DLG5: variants seen among roughly 807,000 people sequenced by gnomAD.
DLG5 encodes the protein disks large homolog 5.
A neutral mutation model predicts 189.8 loss-of-function variants in DLG5; 48 were observed. The observed-to-expected ratio is 0.25, with a 90% CI of 0.20 to 0.32. The LOEUF (loss-of-function observed/expected upper bound fraction) is 0.32, where lower values mean the gene tolerates loss of function less well. DLG5 is among the 10% of genes least tolerant of loss of function. The pLI is 1.00. For missense variants in DLG5, 2,160 were observed against 2,544.7 expected, an observed-to-expected ratio of 0.85 and a Z score of 3.25; for synonymous variants, 1,016 against 1,054.1, an observed-to-expected ratio of 0.96 and a Z score of 0.70.
intron 1 of DLG5, among the ~76,000 whole-genome samples, chr10:77,919,373 C>T (rs1310546286): frequency 6.6e-6 from 1 of 151,970 alleles, no homozygotes; most frequent in Non-Finnish European, 1.5e-5. Flanking sequence ...CCCCCAAAAT[C>T]GAGTCCAACC....
intron 1 of DLG5, among the ~76,000 whole-genome samples, chr10:77,874,248 C>G (rs903971484): frequency 2.6e-5 from 4 of 152,242 alleles, no homozygotes; most frequent in Non-Finnish European, 5.9e-5. Context: ...TGGGGCCAAA[C>G]TGCTTGGAGT....
At chr10:77,798,157 A>C (rs1841019760) in intron 27 of DLG5, among the ~76,000 whole-genome samples, 1 of 152,228 alleles carries the variant, frequency 6.6e-6, no homozygotes. Context: ...ACTGTACTCC[A>C]GCCTGGGCAA....
intron 14 of DLG5, 24 bp from the exon 15 acceptor site, chr10:77,822,125 G>A (rs1842400086): frequency 2.5e-6 from 4 of 1,585,824 alleles, no homozygotes; most frequent in East Asian, 2.2e-5. Context: ...GCAGAGGAGT[G>A]AGAGAGAGAG....
At chr10:77,853,568 C>A in intron 4 of DLG5, 31 bp from the exon 5 acceptor site, 1 of 1,513,984 alleles carries the variant, frequency 6.6e-7, no homozygotes, top group Non-Finnish European at 8.9e-7. Flanking sequence ...TCAGTGAGCC[C>A]CAGCCAGCCC....
At chr10:77,940,019 A>G in the DLG5 span, among the ~76,000 whole-genome samples, 66 of 152,346 alleles carry the variant, frequency 4.3e-4, no homozygotes, top group South Asian at 0.014. Context: ...GAAGCCAAAC[A>G]GTCTCTGCGG....
chr10:77,805,767 A>G lies in DLG5; in HGVS notation c.5062T>C (p.Phe1688Leu), dbSNP rs1423873812. 1 of 1,614,130 alleles carries G rather than the reference A, an allele frequency of 6.2e-7. No homozygotes were observed. Among genetic ancestry groups the G allele is most frequent in the South Asian group, 1.1e-5 (1 of 91,078 alleles). Residue 1688 changes from phenylalanine to leucine, a missense_variant, in exon 27 of 32, where the codon TTT becomes CTT. Phe to Leu is a conservative substitution (Grantham distance 22). Around this residue, in one of 5 missense-constraint regions of DLG5, gnomAD observed 574 missense variants for 644.2 expected, o/e 0.89. Transcript: ENST00000372391. ...TTGTGCTTGTGTTTCCTCCGAAAAA[A>G]GGACCGGCGTGCAGCCGCTGACAGC... ...KTLSAAARRSFFRRKHKHKRS... is the reference protein window; with the variant it reads ...KTLSAAARRSLFRRKHKHKRS...
chr10:77,805,564 A>G (rs1841425458), intron 27 of DLG5, 101 bp downstream of exon 27: 1 of 1,367,276 alleles, frequency 7.3e-7, no homozygotes, highest in East Asian at 2.3e-5. Context: ...GCACAAAAGC[A>G]AAGTAAGACT....
chr10:77,854,708 C>A (rs958323859), intron 3 of DLG5, among the ~76,000 whole-genome samples: 1 of 152,032 alleles, frequency 6.6e-6, no homozygotes, highest in Non-Finnish European at 1.5e-5. Context: ...TCTGTAGGCT[C>A]GGCGTGACAG....
At position 77,892,207 on chromosome 10, in the gene DLG5, G is replaced by A. The variant is rs184344163; in HGVS notation, c.305-23010C>T. Reference sequence around the variant, plus strand: ...CTGATCGCAGTAGCACATCTGACACGTGCCCTCAATCCCTCCCTACCTCGT... The same window carrying A: ...CTGATCGCAGTAGCACATCTGACACATGCCCTCAATCCCTCCCTACCTCGT... On this transcript the variant is annotated intron_variant, in intron 1 of 31. Coordinates refer to ENST00000372391, the MANE Select transcript of DLG5 (RefSeq NM_004747.4). 4.6e-5 allele frequency among the ~76,000 whole-genome samples: 7 copies of A among 152,248 alleles called. No homozygotes were observed. The East Asian group carries it at 7.7e-4, about 17-fold the overall frequency.
At chr10:77,856,021 G>C (rs1333587964) in intron 3 of DLG5, among the ~76,000 whole-genome samples, 1 of 152,092 alleles carries the variant, frequency 6.6e-6, no homozygotes, top group Non-Finnish European at 1.5e-5. Context: ...AAGCAACAAA[G>C]ACACCAGGTA....
At chr10:77,857,794 G>A (rs1844308628) in intron 2 of DLG5, among the ~76,000 whole-genome samples, 1 of 152,204 alleles carries the variant, frequency 6.6e-6, no homozygotes, top group African/African-American at 2.4e-5. Flanking sequence ...AACCCTTAGA[G>A]ACCCTTGTTG....
the DLG5 span, among the ~76,000 whole-genome samples, chr10:77,933,273 T>G: frequency 1.3e-5 from 2 of 152,074 alleles, no homozygotes; most frequent in African/African-American, 4.8e-5. Context: ...GTTTGGGTTT[T>G]TGTTTTTGTT....
intron 1 of DLG5, among the ~76,000 whole-genome samples, chr10:77,874,294 G>A (rs537564074): frequency 2.2e-4 from 33 of 152,374 alleles, no homozygotes; most frequent in African/African-American, 7.5e-4. Context: ...GCTGTGTGCT[G>A]TTAGGTAAGT....
At chr10:77,939,373 C>T in the DLG5 span, among the ~76,000 whole-genome samples, 23 of 152,108 alleles carry the variant, frequency 1.5e-4, no homozygotes, top group African/African-American at 5.3e-4. Context: ...GAGAATGCCC[C>T]GAAGCCAGAA....
At chr10:77,800,812 G>A (rs937315560) in intron 27 of DLG5, among the ~76,000 whole-genome samples, 3 of 152,246 alleles carry the variant, frequency 2.0e-5, no homozygotes, top group Admixed American at 6.5e-5. Flanking sequence ...TGGCCTCCCA[G>A]TGCTGAAGAG....
chr10:77,854,155 G>T, intron 4 of DLG5, 72 bp downstream of exon 4: 1 of 1,565,466 alleles, frequency 6.4e-7, no homozygotes, highest in East Asian at 2.2e-5. Flanking sequence ...TGGCTACTAA[G>T]TCCAGAGAAA....
intron 11 of DLG5, 147 bp downstream of exon 11, chr10:77,830,070 G>T: frequency 1.1e-6 from 1 of 937,504 alleles, no homozygotes; most frequent in Non-Finnish European, 1.6e-6. Context: ...AGCATTATTA[G>T]CTGCTGAGAC....
At chr10:77,831,902 C>A (rs1842910413) in intron 9 of DLG5, among the ~76,000 whole-genome samples, 1 of 152,234 alleles carries the variant, frequency 6.6e-6, no homozygotes, top group African/African-American at 2.4e-5. Flanking sequence ...GCCATTGTTA[C>A]AATTTTAAAA....
Position 77,809,499 on chromosome 10 carries a change from CT to C in DLG5, c.4647+47del, listed in dbSNP as rs1568127633. ...GCCACCTGAGATGGCAGCAAGCCCA[CT>C]GTGCAGGTAGATGGAGGCCTGGCCT... On this transcript the variant is annotated intron_variant, in intron 24 of 31. Coordinates refer to ENST00000372391, the MANE Select transcript of DLG5 (RefSeq NM_004747.4). The C allele has an allele frequency of 4.5e-6, 7 of 1,553,792 alleles. No individual in the cohort carries two copies. The Admixed American group carries it at 1.4e-4, about 30-fold the overall frequency.
Sources: gnomAD v4.1 joint callset for allele counts (sites outside exome capture counted in the v4.1 genomes callset) on GRCh38, gnomAD v4.1.1 for gene constraint, gnomAD v4.1.1 regional missense constraint, MANE v1.5 for transcripts, NCBI Gene and HGNC (gene_info 2026-07-23, HGNC 2026-07-21) for gene names.